The following EBF4 variants were observed in gnomAD, a reference collection of about 807,000 sequenced individuals.
EBF4 encodes transcription factor COE4.
EBF4 carries 34 observed loss-of-function variants against 67.1 expected under a neutral mutation model. The ratio of observed to expected loss-of-function variants is 0.51; its 90% CI spans 0.39 to 0.67. EBF4 has a LOEUF of 0.67. Ranked by LOEUF, EBF4 falls within the 30% of genes least tolerant of loss-of-function variation. EBF4 has a pLI of 0.00. For synonymous variants in EBF4, 387 were observed against 377.7 expected, an observed-to-expected ratio of 1.02 and a Z score of -0.29; for missense variants, 837 against 873.3, an observed-to-expected ratio of 0.96 and a Z score of 0.52.
chr20:2,760,098 C>T (rs540128046), downstream of EBF4: 1 of 152,354 alleles, frequency 6.6e-6, no homozygotes, highest in South Asian at 2.1e-4. This position sits in a 1 kb window ranked among gnomAD's most constrained non-coding sequence, Gnocchi z 4.2. Flanking sequence ...TCACCTGCCT[C>T]CTTGGTGTGA....
rs1247714604 is a variant in EBF4, at chr20:2,696,599, G to A, written c.137+2817G>A. On this transcript the variant is annotated intron_variant, in intron 1 of 16. Coordinates refer to ENST00000609451, the Ensembl canonical transcript of EBF4. The surrounding 1 kb of genome is among the most constrained non-coding windows in gnomAD (Gnocchi z 4.7). Reference sequence around the variant, plus strand: ...GGTCTGACTCCAGCCTTCCTCCCCAGCCTCCTCTGCATGATGCTTGGCAGG... The same window carrying A: ...GGTCTGACTCCAGCCTTCCTCCCCAACCTCCTCTGCATGATGCTTGGCAGG... Among the ~76,000 whole-genome samples the A allele has an allele frequency of 6.6e-6, 1 of 152,128 alleles. No individual in the cohort carries two copies. The highest frequency in any genetic ancestry group is 1.5e-5 in the Non-Finnish European group (1 of 68,024).
chr20:2,705,754 G>C, intron 2 of EBF4, 21 bp downstream of exon 2: 2 of 1,537,074 alleles, frequency 1.3e-6, no homozygotes, highest in Non-Finnish European at 1.8e-6. Context: ...CATGGGCTTG[G>C]CTGGGACTGG....
chr20:2,722,319 G>A (rs538784608), intron 6 of EBF4, among the ~76,000 whole-genome samples: 3 of 151,570 alleles, frequency 2.0e-5, no homozygotes, highest in South Asian at 2.1e-4. Flanking sequence ...TGAATTACGA[G>A]GTGTTTTTTT....
chr20:2,693,483 C>T, upstream of EBF4: 1 of 848,956 alleles, frequency 1.2e-6, no homozygotes, highest in Non-Finnish European at 1.6e-6. This position sits in a 1 kb window ranked among gnomAD's most constrained non-coding sequence, Gnocchi z 4.6. Flanking sequence ...GACCCGCTTT[C>T]TCCGAGGGAG....
At chr20:2,722,367 T>C (rs1468073619) in intron 6 of EBF4, among the ~76,000 whole-genome samples, 1 of 152,160 alleles carries the variant, frequency 6.6e-6, no homozygotes, top group Non-Finnish European at 1.5e-5. Context: ...ACTATTTTCA[T>C]CCTTATGTGA....
At chr20:2,758,951 G>C (rs750311419) in exon 16 of EBF4, 2 of 1,551,132 alleles carry the variant, frequency 1.3e-6, no homozygotes, top group African/African-American at 1.4e-5. Context: ...TCTCCAGCCC[G>C]GGGGCTTCAG....
At position 2,748,892 on chromosome 20, in the gene EBF4, G is replaced by C. The variant is rs78617077; in HGVS notation, c.639+262G>C. On this transcript the variant is annotated intron_variant, in intron 7 of 16. Coordinates refer to ENST00000609451, the Ensembl canonical transcript of EBF4. ...ATTGTGACATTTTTACATGATTAAC[G>C]ACCCAGGCAATTTGCATAGCGTGAA... Among the ~76,000 whole-genome samples the C allele has an allele frequency of 9.7e-4, 148 of 152,284 alleles. 1 individual carries two copies. Among genetic ancestry groups the C allele is most frequent in the African/African-American group, 3.3e-3 (138 of 41,558 alleles).
intron 6 of EBF4, 64 bp downstream of exon 6, chr20:2,709,706 A>G (rs1431566937): frequency 1.6e-5 from 23 of 1,437,156 alleles, no homozygotes; most frequent in Non-Finnish European, 2.1e-5. Flanking sequence ...GCTGTTTTCA[A>G]CCACAGAGCA....
intron 6 of EBF4, among the ~76,000 whole-genome samples, chr20:2,737,447 T>C (rs530605981): frequency 9.9e-5 from 15 of 152,144 alleles, no homozygotes; most frequent in African/African-American, 3.6e-4. Flanking sequence ...TGTCTGGCTA[T>C]GTAACTGGGA....
exon 9 of EBF4, chr20:2,749,645 C>A (rs1174769368): frequency 1.3e-6 from 2 of 1,565,174 alleles, no homozygotes; most frequent in South Asian, 2.4e-5. Flanking sequence ...TCAAGGCCAT[C>A]AGCCCCGGGG....
Position 2,756,583 on chromosome 20 carries a change from A to T in EBF4, c.1738+759A>T, listed in dbSNP as rs561128361. On this transcript the variant is annotated intron_variant, in intron 15 of 16. Transcript: ENST00000609451. This position sits in a 1 kb window ranked among gnomAD's most constrained non-coding sequence, Gnocchi z 4.5. ...TTACAGGTGTTTTCTTTTCTGGCTA[A>T]GGGATGCTTCCACGGGATCCCCTAG... is the stretch of plus-strand genomic sequence containing the variant. Among the ~76,000 whole-genome samples the T allele has an allele frequency of 1.3e-5, 2 of 152,214 alleles. No homozygotes were observed. Among genetic ancestry groups the T allele is most frequent in the Non-Finnish European group, 2.9e-5 (2 of 68,032 alleles).
intron 6 of EBF4, among the ~76,000 whole-genome samples, chr20:2,725,200 T>G (rs2087732281): frequency 6.6e-6 from 1 of 152,206 alleles, no homozygotes; most frequent in Non-Finnish European, 1.5e-5. Flanking sequence ...CCAATTTAGA[T>G]CTTTTTATTT....
At chr20:2,701,112 G>A (rs141533859) in intron 1 of EBF4, among the ~76,000 whole-genome samples, 1 of 152,208 alleles carries the variant, frequency 6.6e-6, no homozygotes, top group African/African-American at 2.4e-5. Context: ...TCCATGGCAC[G>A]GATCTTGTCC....
At chr20:2,731,725 T>A (rs2087816605) in intron 6 of EBF4, among the ~76,000 whole-genome samples, 1 of 152,200 alleles carries the variant, frequency 6.6e-6, no homozygotes, top group Admixed American at 6.5e-5. Flanking sequence ...ACCAGATGCC[T>A]CTCTCTCTTA....
exon 10 of EBF4, chr20:2,749,945 G>C: frequency 6.4e-7 from 1 of 1,551,420 alleles, no homozygotes; most frequent in Non-Finnish European, 8.7e-7. Context: ...AGTTTTGCAA[G>C]GGATGCCCCG....
At chr20:2,711,180 A>ATAATAAT (rs201756294) in intron 6 of EBF4, among the ~76,000 whole-genome samples, 4 of 144,676 alleles carry the variant, frequency 2.8e-5, no homozygotes, top group African/African-American at 1.0e-4. Context: ...AATAATAATA[A>ATAATAAT]AATTAAATTA....
intron 6 of EBF4, among the ~76,000 whole-genome samples, chr20:2,718,707 T>C (rs1488767134): frequency 6.6e-6 from 1 of 152,236 alleles, no homozygotes; most frequent in Non-Finnish European, 1.5e-5. Flanking sequence ...ATCCATTTTA[T>C]TGAGCTTCTA....
exon 10 of EBF4, chr20:2,749,922 T>A: frequency 1.3e-6 from 2 of 1,551,330 alleles, no homozygotes; most frequent in Non-Finnish European, 1.7e-6. Flanking sequence ...GACCCTCTCC[T>A]ACAAGTCCAA....
At chr20:2,727,448 T>C (rs2087760570) in intron 6 of EBF4, among the ~76,000 whole-genome samples, 2 of 152,204 alleles carry the variant, frequency 1.3e-5, no homozygotes, top group African/African-American at 4.8e-5. Context: ...GAAATGCATA[T>C]ATGAAAAGTC....
Sources: allele counts gnomAD v4.1 joint callset (sites outside exome capture counted in the v4.1 genomes callset), GRCh38; gene constraint gnomAD v4.1.1; non-coding constraint Gnocchi (gnomAD v3.1); transcripts MANE v1.5; gene names NCBI Gene and HGNC (gene_info 2026-07-23, HGNC 2026-07-21).